LUZP2: variants seen among roughly 807,000 people sequenced by gnomAD.
The protein encoded by LUZP2 is leucine zipper protein 2.
A neutral mutation model predicts 51.6 loss-of-function variants in LUZP2; 52 were observed. The observed-to-expected ratio is 1.01, with a 90% CI of 0.81 to 1.27. LUZP2 has a LOEUF of 1.27. LUZP2 is among the 50% of genes most tolerant of loss of function. LUZP2 has a pLI of 0.00. For missense variants in LUZP2, 436 were observed against 395.4 expected, an observed-to-expected ratio of 1.10 and a Z score of -0.87; for synonymous variants, 154 against 137.3, an observed-to-expected ratio of 1.12 and a Z score of -0.85.
At chr11:24,942,534 T>A (rs1854783536) in intron 7 of LUZP2, among the ~76,000 whole-genome samples, 2 of 152,202 alleles carry the variant, frequency 1.3e-5, no homozygotes, top group Admixed American at 1.3e-4. Context: ...GTTTTTCTCC[T>A]TAATGAGAAA....
chr11:24,978,363 G>C (rs919242608), intron 8 of LUZP2, among the ~76,000 whole-genome samples: 1 of 151,618 alleles, frequency 6.6e-6, no homozygotes, highest in African/African-American at 2.4e-5. Flanking sequence ...GCTCAAGTAG[G>C]CCACCTTTGT....
chr11:24,542,928 A>C (rs1851420773), intron 1 of LUZP2, among the ~76,000 whole-genome samples: 1 of 151,790 alleles, frequency 6.6e-6, no homozygotes, highest in Non-Finnish European at 1.5e-5. Flanking sequence ...ACACACAGAA[A>C]AAAAAAAAAC....
chr11:24,776,774 A>T (rs1300195538), intron 5 of LUZP2, among the ~76,000 whole-genome samples: 3 of 152,150 alleles, frequency 2.0e-5, no homozygotes, highest in African/African-American at 7.2e-5. Flanking sequence ...AGCTCTAGTC[A>T]TATGATGGTA....
intron 5 of LUZP2, among the ~76,000 whole-genome samples, chr11:24,818,451 A>G (rs1212978654): frequency 6.6e-6 from 1 of 152,024 alleles, no homozygotes; most frequent in Non-Finnish European, 1.5e-5. Flanking sequence ...TGACATTAAT[A>G]AGCAGTGTCC....
intron 5 of LUZP2, among the ~76,000 whole-genome samples, chr11:24,792,857 A>G (rs1419506074): frequency 6.6e-6 from 1 of 152,164 alleles, no homozygotes; most frequent in East Asian, 1.9e-4. Flanking sequence ...TGATTCAGCC[A>G]AAGATGTACA....
intron 7 of LUZP2, among the ~76,000 whole-genome samples, chr11:24,942,453 A>G (rs1009962138): frequency 1.3e-5 from 2 of 152,084 alleles, no homozygotes; most frequent in Admixed American, 6.5e-5. Flanking sequence ...CCTGAGAATG[A>G]TGTTGTTGAA....
At chr11:24,543,556 A>G (rs2133724584) in intron 1 of LUZP2, among the ~76,000 whole-genome samples, 1 of 152,084 alleles carries the variant, frequency 6.6e-6, no homozygotes, top group East Asian at 1.9e-4. Context: ...ATAGAGACAA[A>G]TGGAATCAAT....
At chr11:24,965,076 C>G (rs1401508912) in intron 7 of LUZP2, among the ~76,000 whole-genome samples, 1 of 150,984 alleles carries the variant, frequency 6.6e-6, no homozygotes, top group Non-Finnish European at 1.5e-5. Flanking sequence ...TTAAGATTCC[C>G]AAGATTAATA....
At chr11:24,555,585 CAGA>C (rs1851842889) in intron 1 of LUZP2, among the ~76,000 whole-genome samples, 1 of 152,170 alleles carries the variant, frequency 6.6e-6, no homozygotes, top group African/African-American at 2.4e-5. Context: ...CCTAATTACA[CAGA>C]AGGATCAAAC....
chr11:24,934,689 T>G (rs1039429820), intron 7 of LUZP2, among the ~76,000 whole-genome samples: 3 of 152,186 alleles, frequency 2.0e-5, no homozygotes, highest in Non-Finnish European at 2.9e-5. Flanking sequence ...CATTTAAAAT[T>G]ATGAATATAT....
intron 1 of LUZP2, among the ~76,000 whole-genome samples, chr11:24,589,112 C>G (rs6484059): frequency 1.3e-5 from 2 of 152,024 alleles, no homozygotes; most frequent in Non-Finnish European, 2.9e-5. Context: ...TCACAATGTC[C>G]TGGCTATTGG....
chr11:24,845,903 C>T (rs749706278), intron 5 of LUZP2, among the ~76,000 whole-genome samples: 7 of 151,908 alleles, frequency 4.6e-5, no homozygotes, highest in Non-Finnish European at 7.4e-5. Flanking sequence ...AGTCTGGAAA[C>T]GGACTAATAA....
At chr11:24,526,760 C>T (rs1199960759) in intron 1 of LUZP2, among the ~76,000 whole-genome samples, 2 of 151,092 alleles carry the variant, frequency 1.3e-5, no homozygotes, top group African/African-American at 2.4e-5. Flanking sequence ...TGTGCTAGAC[C>T]TTTCTTTGAT....
chr11:25,050,017 T>G, intron 9 of LUZP2, 21 bp from the exon 10 acceptor site: 1 of 1,452,046 alleles, frequency 6.9e-7, no homozygotes, highest in Non-Finnish European at 9.4e-7. Flanking sequence ...TTTCTTTCTA[T>G]CTCTCTTCGT....
intron 1 of LUZP2, among the ~76,000 whole-genome samples, chr11:24,602,000 A>ATAAATG (rs1853679863): frequency 1.6e-5 from 1 of 62,856 alleles, no homozygotes; most frequent in African/African-American, 9.5e-5. Flanking sequence ...GTATATATGT[A>ATAAATG]TATATATGTA....
intron 9 of LUZP2, among the ~76,000 whole-genome samples, chr11:25,022,472 T>C (rs1323109888): frequency 1.3e-5 from 2 of 152,078 alleles, no homozygotes; most frequent in South Asian, 2.1e-4. Flanking sequence ...AATACTTAAA[T>C]AGGGAATGCA....
intron 1 of LUZP2, among the ~76,000 whole-genome samples, chr11:24,649,737 G>A (rs1855568227): frequency 6.6e-6 from 1 of 151,864 alleles, no homozygotes. Flanking sequence ...TCCATTAAGA[G>A]ACCATTTCTA....
At position 24,736,764 on chromosome 11, in the gene LUZP2, C is replaced by T. The variant is rs559788840; in HGVS notation, c.252-1457C>T. Among the ~76,000 whole-genome samples the T allele has an allele frequency of 5.9e-5, 9 of 151,854 alleles. 1 individual carries two copies. Among genetic ancestry groups the T allele is most frequent in the African/African-American group, 2.4e-5 (1 of 41,426 alleles). ...AATGGAAGCCCAGATTTTATATGTCCATATATGAAGAAAGTCTGATAAATG... is the reference window on the plus strand; with the variant it reads ...AATGGAAGCCCAGATTTTATATGTCTATATATGAAGAAAGTCTGATAAATG... On this transcript the variant is annotated intron_variant, in intron 3 of 11. Coordinates refer to ENST00000336930, the MANE Select transcript of LUZP2 (RefSeq NM_001009909.4).
At chr11:24,852,511 G>C (rs968093425) in intron 5 of LUZP2, among the ~76,000 whole-genome samples, 1 of 152,152 alleles carries the variant, frequency 6.6e-6, no homozygotes, top group Admixed American at 6.6e-5. Context: ...TTGCTGAGGA[G>C]TGCTTTACTT....
Sources: allele counts gnomAD v4.1 joint callset (sites outside exome capture counted in the v4.1 genomes callset), GRCh38; gene constraint gnomAD v4.1.1; transcripts MANE v1.5; gene names NCBI Gene and HGNC (gene_info 2026-07-23, HGNC 2026-07-21).